The following NRBF2 variants were observed in gnomAD, a reference collection of about 807,000 sequenced individuals.
NRBF2 encodes nuclear receptor-binding factor 2.
Under a neutral mutation model 28.5 loss-of-function variants are expected in NRBF2, and 12 were observed. The observed-to-expected ratio is 0.42, with a 90% CI of 0.27 to 0.68. The LOEUF (loss-of-function observed/expected upper bound fraction) is 0.68. Ranked by LOEUF, NRBF2 falls within the 30% of genes least tolerant of loss-of-function variation. The pLI, the probability that NRBF2 is intolerant of heterozygous loss-of-function variation, is 0.24. For missense variants in NRBF2, 274 were observed against 333.5 expected, an observed-to-expected ratio of 0.82 and a Z score of 1.39; for synonymous variants, 102 against 116.5, an observed-to-expected ratio of 0.88 and a Z score of 0.80.
intron 2 of NRBF2, among the ~76,000 whole-genome samples, chr10:63,149,059 TTG>T (rs889222393): frequency 6.6e-6 from 1 of 152,248 alleles, no homozygotes; most frequent in Non-Finnish European, 1.5e-5. Flanking sequence ...TTGCTGCACT[TTG>T]TATGCGTTGG....
intron 2 of NRBF2, chr10:63,150,346 A>T (rs976649476): frequency 5.1e-6 from 5 of 979,154 alleles, no homozygotes; most frequent in Non-Finnish European, 6.1e-6. Context: ...TGTGGGAAGG[A>T]TGTAATTATG....
At chr10:63,138,808 G>A (rs577873644) in intron 1 of NRBF2, among the ~76,000 whole-genome samples, 10 of 151,744 alleles carry the variant, frequency 6.6e-5, no homozygotes, top group Non-Finnish European at 1.5e-4. Flanking sequence ...CAGTATAATT[G>A]CGTTATATTA....
intron 3 of NRBF2, 29 bp downstream of exon 3, chr10:63,152,219 A>T: frequency 6.3e-7 from 1 of 1,583,120 alleles, no homozygotes; most frequent in Non-Finnish European, 8.7e-7. Flanking sequence ...ATTTGCGACA[A>T]GGGTTAGAAA....
chr10:63,139,508 A>G (rs541169882), intron 1 of NRBF2, among the ~76,000 whole-genome samples: 1 of 152,276 alleles, frequency 6.6e-6, no homozygotes, highest in African/African-American at 2.4e-5. Context: ...TGTAGTTAGG[A>G]TTTTTGTTGG....
intron 1 of NRBF2, among the ~76,000 whole-genome samples, chr10:63,144,926 T>C (rs1363561905): frequency 6.6e-6 from 1 of 152,116 alleles, no homozygotes; most frequent in African/African-American, 2.4e-5. Flanking sequence ...GGAAAATCGT[T>C]ACATGAGGTA....
At chr10:63,134,237 TAAA>T (rs962193177) in intron 1 of NRBF2, among the ~76,000 whole-genome samples, 28 of 152,022 alleles carry the variant, frequency 1.8e-4, no homozygotes, top group African/African-American at 6.0e-4. Context: ...GTGTTGCAAT[TAAA>T]AAACAACACA....
At chr10:63,144,143 G>C (rs1234215175) in intron 1 of NRBF2, among the ~76,000 whole-genome samples, 1 of 152,152 alleles carries the variant, frequency 6.6e-6, no homozygotes, top group Non-Finnish European at 1.5e-5. Flanking sequence ...GTAGTGTTAA[G>C]TATATTCGCA....
chr10:63,147,728 GT>G (rs1841586063), intron 2 of NRBF2, among the ~76,000 whole-genome samples: 1 of 151,268 alleles, frequency 6.6e-6, no homozygotes, highest in Admixed American at 6.6e-5. Flanking sequence ...TCTACATTAG[GT>G]ATTTCTCCTA....
intron 3 of NRBF2, among the ~76,000 whole-genome samples, chr10:63,152,806 T>C (rs1841669509): frequency 6.6e-6 from 1 of 152,058 alleles, no homozygotes; most frequent in South Asian, 2.1e-4. Context: ...AGACCAGCCT[T>C]GGCAACACAG....
rs1462778840 is a variant in NRBF2 at position 63,153,693 on chromosome 10, T to C, written c.339T>C (p.Ser113=). The change falls in exon 4 of 4, where the codon AGT becomes AGC. Residue 113 remains serine, a synonymous_variant. Transcript: ENST00000277746. ...CTGCAGAGGATGCAGAGGGCCAGAG[T>C]CCCCTTTCTCAGAAGTACAGCCCTT... ...KPSAEDAEGQ[S]PLSQKYSPST... is the part of the protein sequence containing the mutation. The C allele has an allele frequency of 6.2e-7, 1 of 1,611,640 alleles. No homozygotes were observed. The highest frequency in any genetic ancestry group is 8.5e-7 in the Non-Finnish European group (1 of 1,179,680).
chr10:63,146,942 G>A (rs929029210), intron 2 of NRBF2, among the ~76,000 whole-genome samples: 2 of 152,018 alleles, frequency 1.3e-5, no homozygotes, highest in Non-Finnish European at 2.9e-5. Context: ...AGATCTTGGG[G>A]GCCTGTTTTG....
chr10:63,146,268 T>A lies in NRBF2; in HGVS notation c.90T>A (p.Ala30=), dbSNP rs1476503563. Residue 30 remains alanine, a synonymous_variant, in exon 2 of 4, where the codon GCT becomes GCA. Transcript: ENST00000277746. ...TAGCTGCAGGCAAATACGAAGAGGCTATTTCTTGTCACAAAAAGGCTGCAG... is the reference window on the plus strand; with the variant it reads ...TAGCTGCAGGCAAATACGAAGAGGCAATTTCTTGTCACAAAAAGGCTGCAG... The part of the protein sequence containing the change: ...RLLAAGKYEE[A]ISCHKKAAAY... 2 of 1,612,370 alleles carry A rather than the reference T, an allele frequency of 1.2e-6. No individual in the cohort carries two copies. Among genetic ancestry groups the A allele is most frequent in the Non-Finnish European group, 8.5e-7 (1 of 1,179,632 alleles).
At position 63,133,437 on chromosome 10, in the gene NRBF2, C is replaced by A. The variant is rs1477028892; in HGVS notation, c.-34C>A. 6.2e-7 allele frequency: 1 copy of A among 1,610,968 alleles called. No individual in the cohort carries two copies. The highest frequency in any genetic ancestry group is 1.3e-5 in the African/African-American group (1 of 74,624). ...CTCCATGTTCCCCGGCGCCACTACT[C>A]CCCTTCCTAAGGCCGCCGCTTACCC... On this transcript the variant is annotated 5_prime_UTR_variant, in exon 1 of 4. Coordinates refer to ENST00000277746, the MANE Select transcript of NRBF2 (RefSeq NM_030759.5).
At chr10:63,142,780 C>CTTTCTTTTTTTTTTTTT (rs1554821458) in intron 1 of NRBF2, among the ~76,000 whole-genome samples, 10 of 74,940 alleles carry the variant, frequency 1.3e-4, no homozygotes, top group African/African-American at 5.8e-4. Context: ...TTCTTTCTTT[C>CTTTCTTTTTTTTTTTTT]TTTTTTTTTT....
At chr10:63,146,743 T>C (rs905833465) in intron 2 of NRBF2, among the ~76,000 whole-genome samples, 1 of 152,224 alleles carries the variant, frequency 6.6e-6, no homozygotes, top group African/African-American at 2.4e-5. Flanking sequence ...ACCTAAAATG[T>C]GGGAGATTTT....
rs984863612 is a variant in NRBF2, at chr10:63,133,353, C to T, written c.-118C>T. On this transcript the variant is annotated 5_prime_UTR_variant, in exon 1 of 4. Coordinates refer to ENST00000277746, the MANE Select transcript of NRBF2 (RefSeq NM_030759.5). Reference sequence around the variant, plus strand: ...GCTCCTTCAGCGCCTATCGCTGGCTCTTGGGGCGCAGAGAGGGGCCGCAGT... The same window carrying T: ...GCTCCTTCAGCGCCTATCGCTGGCTTTTGGGGCGCAGAGAGGGGCCGCAGT... 4.1e-6 allele frequency: 5 copies of T among 1,231,958 alleles called. No homozygotes were observed. The highest frequency in any genetic ancestry group is 1.5e-5 in the African/African-American group (1 of 66,006). The allele number at this position is 1,231,958 out of a possible 1,614,324, so 76.3% of individuals were successfully genotyped here. A position where few individuals can be genotyped will look rare whatever the true frequency, so the allele number is the denominator to read the frequency against.
intron 1 of NRBF2, among the ~76,000 whole-genome samples, chr10:63,145,130 G>A (rs1373693379): frequency 9.8e-6 from 1 of 102,438 alleles, no homozygotes; most frequent in African/African-American, 3.7e-5. Context: ...TTTTTGAGAT[G>A]GAGTTTCACT....
At chr10:63,142,260 G>A (rs1387686888) in intron 1 of NRBF2, among the ~76,000 whole-genome samples, 2 of 151,758 alleles carry the variant, frequency 1.3e-5, no homozygotes, top group Non-Finnish European at 2.9e-5. Context: ...GGAATCTCAA[G>A]CCGTACTCCA....
intron 3 of NRBF2, among the ~76,000 whole-genome samples, chr10:63,153,076 C>G (rs77788000): frequency 0.035 from 5,322 of 152,258 alleles, 289 homozygotes; most frequent in East Asian, 0.26. Context: ...TGAGGTATAT[C>G]AGTGGCAGGG....
Sources: gnomAD v4.1 joint callset for allele counts (sites outside exome capture counted in the v4.1 genomes callset) on GRCh38, gnomAD v4.1.1 for gene constraint, MANE v1.5 for transcripts, NCBI Gene and HGNC (gene_info 2026-07-23, HGNC 2026-07-21) for gene names.